Variants in C12orf42 observed in about 807,000 individuals in gnomAD.
The protein encoded by C12orf42 is uncharacterized protein C12orf42.
Under a neutral mutation model 21.6 loss-of-function variants are expected in C12orf42, and 25 were observed. The observed-to-expected ratio is 1.16, with a 90% CI of 0.84 to 1.62. C12orf42 has a LOEUF of 1.62. C12orf42 is among the 40% of genes most tolerant of loss of function. The pLI, the probability that C12orf42 is intolerant of heterozygous loss-of-function variation, is 0.00. For missense variants in C12orf42, 483 were observed against 459.3 expected, an observed-to-expected ratio of 1.05 and a Z score of -0.47; for synonymous variants, 174 against 175.0, an observed-to-expected ratio of 0.99 and a Z score of 0.05.
At chr12:103,294,830 T>A (rs2037143313) in intron 4 of C12orf42, among the ~76,000 whole-genome samples, 1 of 152,126 alleles carries the variant, frequency 6.6e-6, no homozygotes, top group African/African-American at 2.4e-5. Flanking sequence ...GTCATGGAGG[T>A]TTGTTGTACA....
the C12orf42 span, among the ~76,000 whole-genome samples, chr12:103,109,995 T>C: frequency 6.6e-6 from 1 of 151,994 alleles, no homozygotes; most frequent in Non-Finnish European, 1.5e-5. Context: ...GTGCCTCAAG[T>C]TTATAAAAAT....
the C12orf42 span, among the ~76,000 whole-genome samples, chr12:103,103,804 CTTTT>C: frequency 7.0e-6 from 1 of 143,052 alleles, no homozygotes; most frequent in South Asian, 2.2e-4. Flanking sequence ...TAATAGCTCA[CTTTT>C]TTTTTTTTTT....
At chr12:103,372,664 C>A (rs2045358135) in intron 3 of C12orf42, among the ~76,000 whole-genome samples, 1 of 152,060 alleles carries the variant, frequency 6.6e-6, no homozygotes, top group Admixed American at 6.6e-5. Context: ...TGGTCATGAC[C>A]CACCATCTTT....
At chr12:103,169,258 G>A in the C12orf42 span, among the ~76,000 whole-genome samples, 9 of 151,992 alleles carry the variant, frequency 5.9e-5, no homozygotes, top group African/African-American at 2.2e-4. Context: ...GGAATACCTG[G>A]TCCAACCAAT....
chr12:103,094,803 T>A, the C12orf42 span, among the ~76,000 whole-genome samples: 1 of 152,174 alleles, frequency 6.6e-6, no homozygotes, highest in Non-Finnish European at 1.5e-5. Context: ...GTGTCATGTG[T>A]CCGGTTGGAT....
At chr12:103,244,191 TC>T (rs2033898371) in intron 10 of C12orf42, among the ~76,000 whole-genome samples, 1 of 152,072 alleles carries the variant, frequency 6.6e-6, no homozygotes, top group African/African-American at 2.4e-5. Flanking sequence ...AACTTTCTAG[TC>T]CCATAACATG....
chr12:103,090,770 G>A, the C12orf42 span, among the ~76,000 whole-genome samples: 9 of 151,940 alleles, frequency 5.9e-5, no homozygotes, highest in South Asian at 2.1e-4. Flanking sequence ...CTTTAAACCA[G>A]ACCAGAGAGA....
intron 4 of C12orf42, among the ~76,000 whole-genome samples, chr12:103,322,012 T>C (rs2040183821): frequency 1.3e-5 from 2 of 152,120 alleles, no homozygotes; most frequent in South Asian, 2.1e-4. Flanking sequence ...ACTTAAAGTA[T>C]AATAATAAAA....
the C12orf42 span, among the ~76,000 whole-genome samples, chr12:103,543,902 T>G: frequency 0.037 from 5,429 of 146,634 alleles, 357 homozygotes; most frequent in African/African-American, 0.13. Flanking sequence ...TTTTGTTTTT[T>G]GTTTTTTTTG....
chr12:103,110,056 A>T, the C12orf42 span, among the ~76,000 whole-genome samples: 1 of 152,226 alleles, frequency 6.6e-6, no homozygotes, highest in Admixed American at 6.5e-5. Context: ...AAAAAATAAA[A>T]GTCTGATGAC....
chr12:103,284,255 G>A (rs760775846), intron 4 of C12orf42, among the ~76,000 whole-genome samples: 2 of 152,182 alleles, frequency 1.3e-5, no homozygotes, highest in Non-Finnish European at 2.9e-5. Flanking sequence ...TGGAAGCACA[G>A]AGAAAAGAAT....
chr12:103,516,677 A>C, the C12orf42 span, among the ~76,000 whole-genome samples: 2 of 152,212 alleles, frequency 1.3e-5, no homozygotes, highest in African/African-American at 4.8e-5. Flanking sequence ...CCAATGACCC[A>C]GTCACTTTCT....
chr12:103,534,675 G>T, the C12orf42 span, among the ~76,000 whole-genome samples: 2 of 152,094 alleles, frequency 1.3e-5, no homozygotes, highest in African/African-American at 4.8e-5. Context: ...TATGGTAACC[G>T]GTAATAAGTG....
chr12:103,288,126 G>A (rs774344060), intron 4 of C12orf42, among the ~76,000 whole-genome samples: 46 of 152,182 alleles, frequency 3.0e-4, no homozygotes, highest in Admixed American at 6.5e-4. Flanking sequence ...TCGGGGAACT[G>A]ATGAGATATT....
chr12:103,247,703 A>G (rs780717999), intron 10 of C12orf42, among the ~76,000 whole-genome samples: 6 of 151,916 alleles, frequency 3.9e-5, no homozygotes, highest in Non-Finnish European at 7.4e-5. Context: ...AATTGCCCCT[A>G]GTCTAGCTGG....
chr12:103,217,258 A>T, the C12orf42 span, among the ~76,000 whole-genome samples: 312 of 152,220 alleles, frequency 2.0e-3, no homozygotes, highest in African/African-American at 7.0e-3. Context: ...AGCGGCTCAC[A>T]CCTGTAATCT....
Position 103,418,937 on chromosome 12 carries a change from C to T in C12orf42, c.79-17262G>A, listed in dbSNP as rs547662401. On this transcript the variant is annotated intron_variant, in intron 2 of 5. Coordinates refer to ENST00000548883, the MANE Select transcript of C12orf42 (RefSeq NM_198521.5). The stretch of plus-strand genomic sequence containing the variant: ...CACATGTGCTTCTGGTAGTCTCAGC[C>T]CATCAGGGAAAAAGAATTAAACAGA... Among the ~76,000 whole-genome samples the T allele has an allele frequency of 6.6e-5, 10 of 151,758 alleles. No individual in the cohort carries two copies. In the East Asian group the frequency reaches 1.7e-3, roughly 26 times the overall value.
intron 3 of C12orf42, among the ~76,000 whole-genome samples, chr12:103,400,103 A>G (rs572334992): frequency 6.6e-6 from 1 of 152,328 alleles, no homozygotes; most frequent in African/African-American, 2.4e-5. Flanking sequence ...CCACAAAAAC[A>G]CAGAGAGGAA....
At chr12:103,297,976 T>C (rs1164073543), downstream of C12orf42, among the ~76,000 whole-genome samples, 1 of 151,432 alleles carries the variant, frequency 6.6e-6, no homozygotes, top group African/African-American at 2.4e-5. Context: ...GAGCTATTTA[T>C]GACAAACCCA....
Sources: allele counts gnomAD v4.1 joint callset (sites outside exome capture counted in the v4.1 genomes callset), GRCh38; gene constraint gnomAD v4.1.1; transcripts MANE v1.5; gene names NCBI Gene and HGNC (gene_info 2026-07-23, HGNC 2026-07-21).